SEMA3A: variants seen among roughly 807,000 people sequenced by gnomAD.
The protein encoded by SEMA3A is semaphorin-3A.
In SEMA3A, 29 loss-of-function variants were observed where a neutral mutation model predicts 97.9. The ratio of observed to expected loss-of-function variants is 0.30; its 90% CI spans 0.22 to 0.40. The LOEUF is 0.40. Ranked by LOEUF, SEMA3A falls within the 10% of genes least tolerant of loss-of-function variation. The pLI is 1.00. For missense variants in SEMA3A, 763 were observed against 951.3 expected (o/e 0.80, Z 2.60); for synonymous variants, 321 against 323.7 (o/e 0.99, Z 0.09).
At chr7:84,062,385 T>G (rs1326639187) in intron 4 of SEMA3A, among the ~76,000 whole-genome samples, 1 of 151,926 alleles carries the variant, frequency 6.6e-6, no homozygotes, top group Non-Finnish European at 1.5e-5. Context: ...GATATATGTG[T>G]ATTTTGATGA....
chr7:84,375,528 T>G (rs999189384), intron 1 of SEMA3A, among the ~76,000 whole-genome samples: 1 of 152,178 alleles, frequency 6.6e-6, no homozygotes, highest in Non-Finnish European at 1.5e-5. Context: ...GTAGGTATTC[T>G]TTCTTTTATT....
At chr7:84,008,490 C>CAAAAAAAAAA (rs752729583) in intron 9 of SEMA3A, among the ~76,000 whole-genome samples, 3 of 81,194 alleles carry the variant, frequency 3.7e-5, no homozygotes, top group Non-Finnish European at 8.1e-5. Context: ...GACTCCGTCT[C>CAAAAAAAAAA]AAAAAAAAAA....
intron 9 of SEMA3A, 123 bp downstream of exon 9, chr7:84,010,899 A>G: frequency 1.5e-6 from 1 of 650,054 alleles, no homozygotes; most frequent in Non-Finnish European, 2.7e-6. Context: ...ACCCAAGAGT[A>G]CACAACAGCT....
rs371491162 is a variant in SEMA3A at position 84,004,924 on chromosome 7, C to T, written c.1360+415G>A. On this transcript the variant is annotated intron_variant, in intron 11 of 16. Transcript: ENST00000265362. The stretch of plus-strand genomic sequence containing the variant: ...CCACTTATATACAAATCTTCATCTG[C>T]TCCTACCACCCTTGGGAGAGCAATG... 5.3e-5 allele frequency among the ~76,000 whole-genome samples: 8 copies of T among 152,128 alleles called. No homozygotes were observed. In the East Asian group the frequency reaches 7.7e-4, roughly 15 times the overall value.
intron 6 of SEMA3A, among the ~76,000 whole-genome samples, chr7:84,027,872 T>C (rs1791605274): frequency 6.6e-6 from 1 of 152,206 alleles, no homozygotes; most frequent in Non-Finnish European, 1.5e-5. Flanking sequence ...CAACATACTA[T>C]TGTGAAATAT....
chr7:84,019,811 A>T (rs1031906557), intron 6 of SEMA3A, among the ~76,000 whole-genome samples: 2 of 151,964 alleles, frequency 1.3e-5, no homozygotes, highest in African/African-American at 4.8e-5. Context: ...TAATATTTCC[A>T]TTGCTTTTTC....
rs1186066402 is a variant in SEMA3A, at chr7:84,465,280, T to C, written c.-246+27180A>G. Among the ~76,000 whole-genome samples, 4 of 152,160 alleles carry C rather than the reference T, an allele frequency of 2.6e-5. No individual in the cohort carries two copies. The East Asian group carries it at 5.8e-4, about 22-fold the overall frequency. On this transcript the variant is annotated intron_variant, in intron 1 of 3. Coordinates refer to the SEMA3A transcript ENST00000424555. ...CTTCAAACTGGATAAGGATTGACTA[T>C]ATTGGCAAAGATCCTCATTCATACC...
chr7:84,168,386 A>T lies in SEMA3A; in HGVS notation c.112+26089T>A, dbSNP rs1413988064. Among the ~76,000 whole-genome samples, 4 of 152,060 alleles carry T rather than the reference A, an allele frequency of 2.6e-5. No homozygotes were observed. In the East Asian group the frequency reaches 7.7e-4, roughly 29 times the overall value. On this transcript the variant is annotated intron_variant, in intron 1 of 16. Coordinates refer to ENST00000265362, the MANE Select transcript of SEMA3A (RefSeq NM_006080.3). The stretch of plus-strand genomic sequence containing the variant: ...AGCCCACATGCTGAGATAACAATTT[A>T]TTTTCTATTGTTTTAACTTCTAACA...
intron 2 of SEMA3A, among the ~76,000 whole-genome samples, chr7:84,352,949 TACTA>T (rs995261237): frequency 2.4e-4 from 37 of 151,800 alleles, no homozygotes; most frequent in Admixed American, 6.6e-5. Flanking sequence ...AATTAATCTA[TACTA>T]ACTATTTACA....
At chr7:84,250,908 C>T (rs935780255) in intron 3 of SEMA3A, among the ~76,000 whole-genome samples, 8 of 152,074 alleles carry the variant, frequency 5.3e-5, no homozygotes, top group Admixed American at 2.6e-4. Context: ...CAGTTTCTTG[C>T]TTTTGTTTTC....
At chr7:84,325,605 C>T (rs993975685) in intron 2 of SEMA3A, among the ~76,000 whole-genome samples, 6 of 151,788 alleles carry the variant, frequency 4.0e-5, no homozygotes, top group African/African-American at 1.5e-4. Context: ...AGTATAACCA[C>T]CAAGAGTCTT....
At chr7:84,432,659 T>C (rs1439009232) in intron 1 of SEMA3A, among the ~76,000 whole-genome samples, 1 of 152,184 alleles carries the variant, frequency 6.6e-6, no homozygotes, top group Non-Finnish European at 1.5e-5. Flanking sequence ...TGTTCCTGCA[T>C]TAATTCACTT....
At chr7:84,314,992 AC>A (rs1248544533) in intron 2 of SEMA3A, among the ~76,000 whole-genome samples, 1 of 152,192 alleles carries the variant, frequency 6.6e-6, no homozygotes, top group Non-Finnish European at 1.5e-5. Context: ...AATAAATAAC[AC>A]ATTAACTGAA....
intron 1 of SEMA3A, among the ~76,000 whole-genome samples, chr7:84,478,982 T>TATAC (rs1562960683): frequency 6.6e-6 from 1 of 152,172 alleles, no homozygotes; most frequent in Non-Finnish European, 1.5e-5. Flanking sequence ...TTGTCAAATA[T>TATAC]ATACTAATGT....
At chr7:84,389,349 G>A (rs1803481045) in intron 1 of SEMA3A, among the ~76,000 whole-genome samples, 1 of 152,156 alleles carries the variant, frequency 6.6e-6, no homozygotes, top group African/African-American at 2.4e-5. Context: ...ACTATTTACA[G>A]GAAGGAAGAT....
chr7:84,435,165 C>A (rs1343838316), intron 1 of SEMA3A, among the ~76,000 whole-genome samples: 3 of 151,864 alleles, frequency 2.0e-5, no homozygotes, highest in Non-Finnish European at 4.4e-5. Context: ...TTTCAGGATA[C>A]AAAATTAACG....
At chr7:84,063,870 C>T (rs879444361) in intron 4 of SEMA3A, among the ~76,000 whole-genome samples, 1 of 149,742 alleles carries the variant, frequency 6.7e-6, no homozygotes, top group African/African-American at 2.5e-5. Context: ...GGAGAACTTC[C>T]CCAATCTAGC....
chr7:83,963,410 T>C (rs1584482436), intron 15 of SEMA3A, 63 bp from the exon 16 acceptor site: 1 of 1,534,976 alleles, frequency 6.5e-7, no homozygotes, highest in South Asian at 1.2e-5. Flanking sequence ...CTTTCCAAAG[T>C]TTTTATTTGG....
chr7:84,118,532 G>C (rs1355839606), intron 3 of SEMA3A, among the ~76,000 whole-genome samples: 1 of 152,186 alleles, frequency 6.6e-6, no homozygotes, highest in South Asian at 2.1e-4. Context: ...GCGTGGGGCA[G>C]TACCTGGGCC....
Sources: gnomAD v4.1 joint callset for allele counts (sites outside exome capture counted in the v4.1 genomes callset) on GRCh38, gnomAD v4.1.1 for gene constraint, MANE v1.5 for transcripts, NCBI Gene and HGNC (gene_info 2026-07-23, HGNC 2026-07-21) for gene names.